PEX5L: variants seen among roughly 807,000 people sequenced by gnomAD.
PEX5L encodes peroxisomal biogenesis factor 5 like, also known as PEX5-related protein.
PEX5L carries 30 observed loss-of-function variants against 84.0 expected under a neutral mutation model. The observed-to-expected ratio is 0.36, with a 90% CI of 0.27 to 0.48. The LOEUF is 0.48. PEX5L is among the 20% of genes least tolerant of loss of function. The probability of loss-of-function intolerance (pLI) is 0.99; values close to 1 mark genes in which losing one functional copy is unlikely to be tolerated. For synonymous variants in PEX5L, 270 were observed against 283.1 expected, an observed-to-expected ratio of 0.95 and a Z score of 0.46; for missense variants, 533 against 754.6, an observed-to-expected ratio of 0.71 and a Z score of 3.44.
chr3:179,922,451 C>CTTTT (rs35332742), intron 2 of PEX5L, among the ~76,000 whole-genome samples: 2 of 134,052 alleles, frequency 1.5e-5, no homozygotes, highest in Admixed American at 7.5e-5. Flanking sequence ...CTTTTCTTTT[C>CTTTT]TTTTTTTTTT....
At chr3:179,961,023 G>A (rs1026231189) in intron 2 of PEX5L, among the ~76,000 whole-genome samples, 4 of 152,156 alleles carry the variant, frequency 2.6e-5, no homozygotes, top group African/African-American at 9.7e-5. Flanking sequence ...ACAAAGTGAT[G>A]AATGAATGTT....
intron 1 of PEX5L, among the ~76,000 whole-genome samples, chr3:180,005,124 G>C (rs540153347): frequency 6.6e-6 from 1 of 152,060 alleles, no homozygotes; most frequent in Non-Finnish European, 1.5e-5. Flanking sequence ...TAATCTTTCT[G>C]ACTGAAAGAG....
chr3:180,013,012 T>C (rs567797125), intron 1 of PEX5L, among the ~76,000 whole-genome samples: 1 of 152,318 alleles, frequency 6.6e-6, no homozygotes, highest in African/African-American at 2.4e-5. Context: ...CATAAGAAAC[T>C]GCAATGGTCC....
At chr3:179,840,672 G>C (rs542101710) in intron 8 of PEX5L, among the ~76,000 whole-genome samples, 2 of 152,246 alleles carry the variant, frequency 1.3e-5, no homozygotes, top group African/African-American at 4.8e-5. Context: ...TGAGCAGGGG[G>C]GATGATAGAG....
chr3:179,933,085 C>A (rs1773558250), intron 2 of PEX5L, among the ~76,000 whole-genome samples: 1 of 152,144 alleles, frequency 6.6e-6, no homozygotes, highest in Non-Finnish European at 1.5e-5. Flanking sequence ...TTTTTAGATT[C>A]CACATATAAG....
intron 10 of PEX5L, among the ~76,000 whole-genome samples, chr3:179,813,377 A>G (rs1157660780): frequency 6.6e-6 from 1 of 152,246 alleles, no homozygotes; most frequent in Non-Finnish European, 1.5e-5. Flanking sequence ...ATAATGTAAT[A>G]TATTTGAAAA....
chr3:179,980,984 A>T (rs1215424260), intron 1 of PEX5L, among the ~76,000 whole-genome samples: 1 of 150,724 alleles, frequency 6.6e-6, no homozygotes, highest in Non-Finnish European at 1.5e-5. Flanking sequence ...AGATTGTACC[A>T]CTGTACTCTA....
chr3:179,900,852 A>T, intron 2 of PEX5L: 3 of 671,680 alleles, frequency 4.5e-6, no homozygotes, highest in Non-Finnish European at 7.9e-6. Flanking sequence ...AGTGCGGTAC[A>T]GTCTGAGGAC....
chr3:179,815,723 A>T, intron 10 of PEX5L, 138 bp downstream of exon 10: 2 of 882,876 alleles, frequency 2.3e-6, no homozygotes, highest in Non-Finnish European at 3.5e-6. Flanking sequence ...TGTAACTTTT[A>T]AACAAGTAGA....
intron 2 of PEX5L, among the ~76,000 whole-genome samples, chr3:179,903,724 C>A (rs1762207634): frequency 6.6e-6 from 1 of 152,196 alleles, no homozygotes; most frequent in Non-Finnish European, 1.5e-5. Flanking sequence ...AAACTCCCAA[C>A]ACAGGAAAAG....
intron 4 of PEX5L, among the ~76,000 whole-genome samples, chr3:179,884,444 C>G (rs1299265704): frequency 6.6e-6 from 1 of 152,140 alleles, no homozygotes; most frequent in African/African-American, 2.4e-5. Flanking sequence ...ATTGTAGGTG[C>G]CCTCTAGAAG....
chr3:179,910,854 C>CA (rs1382199859), intron 2 of PEX5L, among the ~76,000 whole-genome samples: 2 of 152,284 alleles, frequency 1.3e-5, no homozygotes, highest in East Asian at 3.9e-4. Flanking sequence ...ACTTTTCTGT[C>CA]AAACTTTCTG....
intron 2 of PEX5L, among the ~76,000 whole-genome samples, chr3:179,961,229 G>T (rs1156473256): frequency 1.3e-5 from 2 of 149,376 alleles, no homozygotes; most frequent in African/African-American, 4.9e-5. Context: ...GTGTGTGTGT[G>T]TTTCCTAGAT....
intron 2 of PEX5L, among the ~76,000 whole-genome samples, chr3:179,932,921 G>T (rs1449991128): frequency 6.6e-6 from 1 of 152,014 alleles, no homozygotes; most frequent in African/African-American, 2.4e-5. Flanking sequence ...ATACATTGTT[G>T]TAACTATAGT....
At chr3:179,826,054 C>G (rs1347335745) in intron 8 of PEX5L, among the ~76,000 whole-genome samples, 2 of 152,064 alleles carry the variant, frequency 1.3e-5, no homozygotes, top group African/African-American at 2.4e-5. Context: ...ACAAACAGCC[C>G]GAGGCTCTCA....
intron 7 of PEX5L, among the ~76,000 whole-genome samples, chr3:179,872,159 C>G (rs1750630344): frequency 6.6e-6 from 1 of 152,220 alleles, no homozygotes; most frequent in South Asian, 2.1e-4. Context: ...GTTGGGATTA[C>G]AGGCGTGAGC....
intron 7 of PEX5L, among the ~76,000 whole-genome samples, chr3:179,866,534 G>C (rs183192401): frequency 3.3e-5 from 5 of 152,310 alleles, no homozygotes; most frequent in Non-Finnish European, 4.4e-5. Context: ...ATAGGACATA[G>C]TACGTGCTTA....
At chr3:180,027,851 G>A (rs1791104569) in intron 1 of PEX5L, among the ~76,000 whole-genome samples, 1 of 152,082 alleles carries the variant, frequency 6.6e-6, no homozygotes, top group South Asian at 2.1e-4. Flanking sequence ...TGATATTTTG[G>A]AAAAACACAA....
intron 2 of PEX5L, among the ~76,000 whole-genome samples, chr3:179,938,483 A>G (rs1420760506): frequency 1.3e-5 from 2 of 152,226 alleles, no homozygotes; most frequent in Non-Finnish European, 2.9e-5. Flanking sequence ...AAACCTCTAA[A>G]CTATCATTTA....
Sources: allele counts gnomAD v4.1 joint callset (sites outside exome capture counted in the v4.1 genomes callset), GRCh38; gene constraint gnomAD v4.1.1; transcripts MANE v1.5; gene names NCBI Gene and HGNC (gene_info 2026-07-23, HGNC 2026-07-21).